The following NNT variants were observed in gnomAD, a reference collection of about 807,000 sequenced individuals.
NNT encodes the protein NAD(P) transhydrogenase, mitochondrial.
NNT carries 50 observed loss-of-function variants against 104.8 expected under a neutral mutation model. The observed-to-expected ratio is 0.48, with a 90% CI of 0.38 to 0.60. NNT has a LOEUF of 0.60. Ranked by LOEUF, NNT falls within the 20% of genes least tolerant of loss-of-function variation. NNT has a pLI of 0.00. For synonymous variants in NNT, 461 were observed against 490.4 expected, an observed-to-expected ratio of 0.94 and a Z score of 0.79; for missense variants, 1,131 against 1,330.7, an observed-to-expected ratio of 0.85 and a Z score of 2.33.
At chr5:43,625,538 A>G (rs1024515400) in intron 6 of NNT, among the ~76,000 whole-genome samples, 5 of 152,118 alleles carry the variant, frequency 3.3e-5, no homozygotes, top group Non-Finnish European at 5.9e-5. Flanking sequence ...ATCCAAATGT[A>G]TTGGAAAACA....
chr5:43,643,849 A>G (rs935473660), intron 7 of NNT, among the ~76,000 whole-genome samples: 2 of 151,936 alleles, frequency 1.3e-5, no homozygotes, highest in African/African-American at 4.9e-5. Flanking sequence ...GTTTATTATT[A>G]GGCATTTTTT....
Position 43,694,961 on chromosome 5 carries a change from T to A in NNT, c.2877-5158T>A, listed in dbSNP as rs141097432. On this transcript the variant is annotated intron_variant, in intron 19 of 21. Transcript: ENST00000344920. The stretch of plus-strand genomic sequence containing the variant: ...GGCTTTATTTTGGTTGGTAGACTAT[T>A]TATTACTGATTCAATTTCTTTATTG... 2.9e-3 allele frequency among the ~76,000 whole-genome samples: 445 copies of A among 152,294 alleles called. 9 individuals are homozygous for A. The highest frequency in any genetic ancestry group is 0.027 in the East Asian group (139 of 5,188).
intron 6 of NNT, among the ~76,000 whole-genome samples, chr5:43,624,490 C>T (rs764512801): frequency 6.6e-6 from 1 of 152,166 alleles, no homozygotes; most frequent in African/African-American, 2.4e-5. Context: ...GGGGCATGCC[C>T]TACCGTGAAT....
intron 15 of NNT, among the ~76,000 whole-genome samples, 188 bp from the exon 16 acceptor site, chr5:43,656,465 G>C (rs1417415996): frequency 6.6e-6 from 1 of 152,128 alleles, no homozygotes; most frequent in East Asian, 1.9e-4. Context: ...TTTGCAGACA[G>C]CTAATGGAGG....
chr5:43,665,618 T>G (rs533801426), intron 17 of NNT, among the ~76,000 whole-genome samples: 1 of 152,360 alleles, frequency 6.6e-6, no homozygotes, highest in African/African-American at 2.4e-5. Flanking sequence ...AAATGGAGTC[T>G]CCTATGTCTA....
rs114274658 is a variant in NNT, at chr5:43,616,774, A to G, written c.599+709A>G. On this transcript the variant is annotated intron_variant, in intron 4 of 21. Coordinates refer to ENST00000344920, the MANE Select transcript of NNT (RefSeq NM_182977.3). The stretch of plus-strand genomic sequence containing the variant: ...ATGGGTGAGGGACAGGAATAGCTAC[A>G]TGAAAGCAGTGTACTGCTGACTTTG... Among the ~76,000 whole-genome samples the G allele has an allele frequency of 4.8e-3, 727 of 152,310 alleles. 4 individuals are homozygous for G. Among genetic ancestry groups the G allele is most frequent in the Middle Eastern group, 0.031 (9 of 294 alleles).
At chr5:43,613,629 T>C (rs1269750155) in intron 3 of NNT, 1 of 152,854 alleles carries the variant, frequency 6.5e-6, no homozygotes, top group African/African-American at 2.4e-5. Context: ...TAGCTTTACC[T>C]ACTCTAAAAT....
chr5:43,695,558 G>A (rs1403136228), intron 19 of NNT, among the ~76,000 whole-genome samples: 1 of 152,176 alleles, frequency 6.6e-6, no homozygotes, highest in Non-Finnish European at 1.5e-5. Flanking sequence ...TGACAGTATA[G>A]GATACAGATG....
intron 21 of NNT, among the ~76,000 whole-genome samples, chr5:43,703,042 C>T (rs1462922708): frequency 1.3e-5 from 2 of 152,144 alleles, no homozygotes; most frequent in East Asian, 1.9e-4. Context: ...AATTCCAGAT[C>T]GAGTCCTGTG....
rs747807637 is a variant in NNT at position 43,653,230 on chromosome 5, T to C, written c.2059+17T>C. 1.3e-6 allele frequency: 2 copies of C among 1,596,044 alleles called. No individual in the cohort carries two copies. The highest frequency in any genetic ancestry group is 1.3e-5 in the African/African-American group (1 of 74,636). ...GTACCATTGGTAAGCACTTGTGGGCTTCTGCCTTCATGTGAACTCCAGTTT... is the reference window on the plus strand; with the variant it reads ...GTACCATTGGTAAGCACTTGTGGGCCTCTGCCTTCATGTGAACTCCAGTTT... On this transcript the variant is annotated intron_variant, in intron 14 of 21. Transcript: ENST00000344920.
At chr5:43,667,875 A>G (rs539281978) in intron 17 of NNT, among the ~76,000 whole-genome samples, 1 of 152,362 alleles carries the variant, frequency 6.6e-6, no homozygotes, top group South Asian at 2.1e-4. Context: ...ACTAGTTTAC[A>G]GTCCCACCAA....
chr5:43,661,600 C>G (rs1418241685), intron 17 of NNT, among the ~76,000 whole-genome samples: 185 of 137,182 alleles, frequency 1.3e-3, no homozygotes, highest in African/African-American at 4.8e-3. Flanking sequence ...GTGATATTCC[C>G]CTTCCTGTGT....
chr5:43,641,834 T>G (rs13167455), intron 7 of NNT, among the ~76,000 whole-genome samples: 2 of 152,232 alleles, frequency 1.3e-5, no homozygotes, highest in African/African-American at 2.4e-5. Flanking sequence ...AACACCCAAC[T>G]TATCTCTGTT....
chr5:43,647,610 C>T (rs1739521321), intron 10 of NNT, among the ~76,000 whole-genome samples: 1 of 152,180 alleles, frequency 6.6e-6, no homozygotes, highest in South Asian at 2.1e-4. Context: ...CTTCTTTTGT[C>T]AGCCTTTCTC....
At chr5:43,664,249 C>T (rs958477710) in intron 17 of NNT, among the ~76,000 whole-genome samples, 1 of 152,120 alleles carries the variant, frequency 6.6e-6, no homozygotes, top group Non-Finnish European at 1.5e-5. Context: ...TATGATTTTA[C>T]AGTTTCTTTG....
chr5:43,666,634 T>C, intron 17 of NNT: 1 of 264,336 alleles, frequency 3.8e-6, no homozygotes, highest in East Asian at 6.9e-5. Flanking sequence ...GGGAGATCTA[T>C]TTTTTTTTTT....
At chr5:43,691,449 G>T (rs914241653) in intron 19 of NNT, among the ~76,000 whole-genome samples, 4 of 152,050 alleles carry the variant, frequency 2.6e-5, no homozygotes, top group Non-Finnish European at 5.9e-5. Flanking sequence ...TCTTTCTCTT[G>T]AACCTTATCC....
In NNT at chr5:43,666,776, G is replaced by C. The variant is rs1228689462; in HGVS notation, c.2634+7426G>C. ...GTTGGCAGAGATATCTACTCTGAAGGCTTTGTAGGGGCCTCGGTACCTTTG... is the reference window on the plus strand; with the variant it reads ...GTTGGCAGAGATATCTACTCTGAAGCCTTTGTAGGGGCCTCGGTACCTTTG... On this transcript the variant is annotated intron_variant, in intron 17 of 21. Transcript: ENST00000344920. 1.9e-5 allele frequency: 25 copies of C among 1,293,602 alleles called. 1 individual carries two copies. Among genetic ancestry groups the C allele is most frequent in the Middle Eastern group, 5.4e-4 (2 of 3,670 alleles). 80.1% of individuals were successfully genotyped at this position (1,293,602 alleles called of 1,614,324 possible).
At position 43,644,256 on chromosome 5, in the gene NNT, T is replaced by C. The variant is rs188697867; in HGVS notation, c.1029T>C (p.Val343=). ...AGTCAATGAAGGAAGGTTCAGTTGT[T>C]GTGGATTTAGCTGCTGAGGCTGGTG... is the stretch of plus-strand genomic sequence containing the variant. ...MIESMKEGSV[V]VDLAAEAGGN... The change falls in exon 8 of 22, where the codon GTT becomes GTC. Residue 343 remains valine (V), a synonymous_variant. Coordinates refer to ENST00000344920, the MANE Select transcript of NNT (RefSeq NM_182977.3). The C allele has an allele frequency of 2.5e-6, 4 of 1,613,816 alleles. No individual in the cohort carries two copies. Among genetic ancestry groups the C allele is most frequent in the Non-Finnish European group, 3.4e-6 (4 of 1,179,888 alleles).
Sources: allele counts gnomAD v4.1 joint callset (sites outside exome capture counted in the v4.1 genomes callset), GRCh38; gene constraint gnomAD v4.1.1; transcripts MANE v1.5; gene names NCBI Gene and HGNC (gene_info 2026-07-23, HGNC 2026-07-21).